Variants in SMARCA1 observed in about 807,000 individuals in gnomAD.
SMARCA1 encodes the protein SWI/SNF-related matrix-associated actin-dependent regulator of chromatin subfamily A member 1.
A neutral mutation model predicts 93.6 loss-of-function variants in SMARCA1; 17 were observed. The ratio of observed to expected loss-of-function variants is 0.18; its 90% CI spans 0.12 to 0.27. The LOEUF is 0.27. SMARCA1 is among the 10% of genes least tolerant of loss of function. The pLI, the probability that SMARCA1 is intolerant of heterozygous loss-of-function variation, is 1.00. For missense variants in SMARCA1, 630 were observed against 819.0 expected, an observed-to-expected ratio of 0.77 and a Z score of 2.82; for synonymous variants, 271 against 271.4, an observed-to-expected ratio of 1.00 and a Z score of 0.01.
At chrX:129,461,205 G>A (rs942234774) in intron 23 of SMARCA1, among the ~76,000 whole-genome samples, 1 of 111,532 alleles carries the variant, frequency 9.0e-6, no homozygotes, top group Non-Finnish European at 1.9e-5. Flanking sequence ...AGGCTCTTGA[G>A]CTGGCTGGAA....
chrX:129,506,324 T>A (rs1934807312), intron 7 of SMARCA1, 113 bp from the exon 8 acceptor site: 5 of 572,007 alleles, frequency 8.7e-6, no homozygotes, highest in Non-Finnish European at 1.4e-5. Flanking sequence ...ACTTGAAAAT[T>A]TTCTATGGAA....
In SMARCA1 at chrX:129,511,929, G is replaced by T; in HGVS notation, c.685C>A (p.Arg229=). 8.3e-7 allele frequency: 1 copy of T among 1,206,941 alleles called. No individual in the cohort carries two copies. Residue 229 remains arginine (R), a synonymous_variant, in exon 6 of 25, where the codon CGA becomes AGA. Coordinates refer to ENST00000371121, the MANE Select transcript of SMARCA1 (RefSeq NM_001282874.2). Reference sequence around the variant, plus strand: ...ACCATGTGAGGTCCAGGAATATTTCGGTAGTGTTTCAGGTAACCAAGCAAA... The same window carrying T: ...ACCATGTGAGGTCCAGGAATATTTCTGTAGTGTTTCAGGTAACCAAGCAAA... ...IALLGYLKHY[R]NIPGPHMVLV...
At chrX:129,472,962 G>A (rs752195656) in intron 19 of SMARCA1, among the ~76,000 whole-genome samples, 20 of 111,673 alleles carry the variant, frequency 1.8e-4, no homozygotes, top group African/African-American at 6.5e-4. Flanking sequence ...ACTAGTTGTG[G>A]AATTATGAGC....
intron 13 of SMARCA1, among the ~76,000 whole-genome samples, chrX:129,492,538 TCAAC>T (rs1006414832): frequency 9.0e-6 from 1 of 111,078 alleles, no homozygotes; most frequent in Non-Finnish European, 1.9e-5. Context: ...GTTTAGAAGA[TCAAC>T]CAACAGAGAA....
intron 17 of SMARCA1, among the ~76,000 whole-genome samples, chrX:129,486,641 G>A (rs546714348): frequency 9.0e-6 from 1 of 110,866 alleles, no homozygotes; most frequent in East Asian, 2.8e-4. Context: ...ACCTCCATTT[G>A]ATAAATGAGA....
intron 19 of SMARCA1, 104 bp downstream of exon 19, chrX:129,480,597 T>C (rs1472889128): frequency 2.2e-5 from 7 of 323,533 alleles, no homozygotes; most frequent in Non-Finnish European, 3.6e-5. Flanking sequence ...TGATTTGCTG[T>C]CACATTCTCT....
intron 23 of SMARCA1, among the ~76,000 whole-genome samples, chrX:129,457,273 CA>C (rs1932674384): frequency 8.9e-6 from 1 of 112,354 alleles, no homozygotes; most frequent in South Asian, 3.7e-4. Context: ...GCCTTATAGA[CA>C]AAACTTTTAT....
At chrX:129,466,102 T>A (rs948506579) in intron 21 of SMARCA1, 140 bp from the exon 22 acceptor site, 1 of 280,190 alleles carries the variant, frequency 3.6e-6, no homozygotes, top group Admixed American at 6.2e-5. Flanking sequence ...CTTATATATA[T>A]AATATGTTAA....
At chrX:129,467,037 T>C (rs1932930538) in intron 21 of SMARCA1, among the ~76,000 whole-genome samples, 1 of 112,081 alleles carries the variant, frequency 8.9e-6, no homozygotes, top group Admixed American at 9.5e-5. Context: ...GAAAGGTATG[T>C]GAGCACTCTG....
At chrX:129,497,008 C>CA in intron 11 of SMARCA1, 137 bp from the exon 12 acceptor site, 1 of 446,727 alleles carries the variant, frequency 2.2e-6, no homozygotes, top group Non-Finnish European at 3.9e-6. Flanking sequence ...TGCACACACA[C>CA]ACACACACAC....
chrX:129,467,664 AT>A (rs994714393), intron 21 of SMARCA1, among the ~76,000 whole-genome samples: 21 of 110,235 alleles, frequency 1.9e-4, no homozygotes, highest in African/African-American at 6.9e-4. Context: ...AGAAAAAAAA[AT>A]CTCTCTAATT....
intron 9 of SMARCA1, among the ~76,000 whole-genome samples, chrX:129,501,145 G>A (rs1934540669): frequency 9.0e-6 from 1 of 111,642 alleles, no homozygotes; most frequent in Non-Finnish European, 1.9e-5. Context: ...CTAGCAAGTG[G>A]TAGATGTGGA....
chrX:129,513,244 G>A (rs1016205088), intron 5 of SMARCA1, among the ~76,000 whole-genome samples: 13 of 110,395 alleles, frequency 1.2e-4, no homozygotes, highest in African/African-American at 4.3e-4. Flanking sequence ...TCTGGTATCG[G>A]CTGGGTGCAG....
At chrX:129,482,358 AAAAG>A (rs1291803732) in intron 17 of SMARCA1, among the ~76,000 whole-genome samples, 1 of 111,660 alleles carries the variant, frequency 9.0e-6, no homozygotes, top group Non-Finnish European at 1.9e-5. Flanking sequence ...AAGAAGAAAA[AAAAG>A]AAAGAAACAG....
chrX:129,476,138 T>C (rs1286975761), intron 19 of SMARCA1, among the ~76,000 whole-genome samples: 4 of 112,160 alleles, frequency 3.6e-5, no homozygotes, highest in Non-Finnish European at 7.5e-5. Context: ...TCTTCCAATA[T>C]AAAGGTTTTA....
At position 129,490,790 on chromosome X, in the gene SMARCA1, G is replaced by A. The variant is rs143956082; in HGVS notation, c.1816-598C>T. ...AGAGCAAATAGGTAAAGGGAGGAGG[G>A]TGGTAGAGAAAAAAAAAATGTAAGT... On this transcript the variant is annotated intron_variant, in intron 14 of 24. Transcript: ENST00000371121. 9.4e-3 allele frequency among the ~76,000 whole-genome samples: 1,036 copies of A among 110,130 alleles called. 6 individuals carry two copies. Among genetic ancestry groups the A allele is most frequent in the Non-Finnish European group, 0.017 (876 of 52,712 alleles).
In SMARCA1 at chrX:129,475,102, C is replaced by T. The variant is rs1053826944; in HGVS notation, c.2443-3776G>A. ...GCAGTGTGAAAACAGACTAATACAC[C>T]TCCTATAAAAAAAAACCTTAATAGT... On this transcript the variant is annotated intron_variant, in intron 19 of 24. Transcript: ENST00000371121. 2.8e-5 allele frequency among the ~76,000 whole-genome samples: 3 copies of T among 106,414 alleles called. No individual in the cohort carries two copies. In the East Asian group the frequency reaches 8.6e-4, roughly 30 times the overall value. 92.4% of individuals were successfully genotyped at this position (106,414 alleles called of 115,157 possible).
chrX:129,510,161 T>C (rs1934972177), intron 6 of SMARCA1, among the ~76,000 whole-genome samples: 1 of 112,296 alleles, frequency 8.9e-6, no homozygotes, highest in Non-Finnish European at 1.9e-5. Context: ...AAATTACCTT[T>C]TGAATTGCAA....
intron 19 of SMARCA1, among the ~76,000 whole-genome samples, chrX:129,478,913 A>C (rs1933516576): frequency 9.0e-6 from 1 of 111,687 alleles, no homozygotes; most frequent in Non-Finnish European, 1.9e-5. Flanking sequence ...GTCTGAGCGG[A>C]ACGAATAGAA....
Sources: gnomAD v4.1 joint callset for allele counts (sites outside exome capture counted in the v4.1 genomes callset) on GRCh38, gnomAD v4.1.1 for gene constraint, MANE v1.5 for transcripts, NCBI Gene and HGNC (gene_info 2026-07-23, HGNC 2026-07-21) for gene names.